The following ENO4 variants were observed in gnomAD, a reference collection of about 807,000 sequenced individuals.
The protein encoded by ENO4 is 2-phospho-D-glycerate hydro-lyase.
Under a neutral mutation model 63.2 loss-of-function variants are expected in ENO4, and 53 were observed. That is an observed-to-expected ratio of 0.84 (90% CI 0.67 to 1.05). ENO4 has a LOEUF of 1.05. Ranked by LOEUF, ENO4 falls within the 50% of genes least tolerant of loss-of-function variation. ENO4 has a pLI of 0.00. For missense variants in ENO4, 719 were observed against 772.0 expected, an observed-to-expected ratio of 0.93 and a Z score of 0.81; for synonymous variants, 266 against 283.8, an observed-to-expected ratio of 0.94 and a Z score of 0.63.
Position 116,865,564 on chromosome 10 carries a change from T to G in ENO4, c.990+2712T>G, listed in dbSNP as rs536868876. On this transcript the variant is annotated intron_variant, in intron 7 of 13. Coordinates refer to ENST00000341276, the MANE Select transcript of ENO4 (RefSeq NM_001242699.2). ...TTGTATGATATGGAGTCATACCGAT[T>G]TTTAAAATTTTTTGATGAAGTGAAA... 2.0e-5 allele frequency among the ~76,000 whole-genome samples: 3 copies of G among 152,320 alleles called. No individual in the cohort carries two copies. The South Asian group carries it at 6.2e-4, about 32-fold the overall frequency.
At chr10:116,899,210 AAT>A (rs1319512058) in intron 10 of ENO4, among the ~76,000 whole-genome samples, 2 of 152,208 alleles carry the variant, frequency 1.3e-5, no homozygotes, top group African/African-American at 4.8e-5. Flanking sequence ...TAAAACAATA[AAT>A]ATAATAAATA....
intron 6 of ENO4, among the ~76,000 whole-genome samples, chr10:116,862,098 C>G (rs1187285409): frequency 6.6e-6 from 1 of 152,086 alleles, no homozygotes; most frequent in South Asian, 2.1e-4. Context: ...TTTTAAGGGA[C>G]AGTAGATTTA....
chr10:116,884,483 C>G, downstream of ENO4: 1 of 335,872 alleles, frequency 3.0e-6, no homozygotes, highest in Non-Finnish European at 6.0e-6. Context: ...ACACATTTCA[C>G]CCAAAGGGCA....
intron 10 of ENO4, among the ~76,000 whole-genome samples, chr10:116,893,806 A>C (rs1847423227): frequency 6.6e-6 from 1 of 152,194 alleles, no homozygotes; most frequent in African/African-American, 2.4e-5. Context: ...TGAGAGAATA[A>C]TTTTATGCCA....
In ENO4 at chr10:116,859,126, G is replaced by A. The variant is rs1846345129; in HGVS notation, c.622G>A (p.Gly208Arg). The A allele has an allele frequency of 1.4e-5, 22 of 1,529,918 alleles. No homozygotes were observed. The highest frequency in any genetic ancestry group is 1.8e-5 in the Non-Finnish European group (21 of 1,144,500). The allele number at this position is 1,529,918 out of a possible 1,614,324, so 94.8% of individuals were successfully genotyped here. A position where few individuals can be genotyped will look rare whatever the true frequency, so the allele number is the denominator to read the frequency against. ...CCCTCCACCTCCTACCAAAAAAAAG[G>A]GGCAAAAGCCAGGTTGGTTGGTGAC... ...PPPPPPTKKK[G>R]QKPGRKDTIT... The change falls in exon 4 of 14, where the codon GGG becomes AGG. Residue 208 changes from glycine (G) to arginine (R), a missense_variant. Physicochemically the swap from Gly to Arg is moderately radical, Grantham distance 125. Coordinates refer to ENST00000341276, the MANE Select transcript of ENO4 (RefSeq NM_001242699.2).
In ENO4 at chr10:116,867,450, A is replaced by G. The variant is rs946449488; in HGVS notation, c.991-1200A>G. Among the ~76,000 whole-genome samples, 5 of 148,804 alleles carry G rather than the reference A, an allele frequency of 3.4e-5. No individual in the cohort carries two copies. In the South Asian group the frequency reaches 6.4e-4, roughly 19 times the overall value. ...AAAAAAAAAAAAAAATTAGCCAGGC[A>G]TGGCGGTGCACGCTTGTTGTCCCAG... On this transcript the variant is annotated intron_variant, in intron 7 of 13. Coordinates refer to ENST00000341276, the MANE Select transcript of ENO4 (RefSeq NM_001242699.2).
intron 11 of ENO4, among the ~76,000 whole-genome samples, chr10:116,878,740 A>ATT (rs1554903491): frequency 4.7e-5 from 3 of 63,546 alleles, no homozygotes; most frequent in Admixed American, 2.7e-4. Context: ...CAAATCATAT[A>ATT]TCTTTTTTTT....
intron 8 of ENO4, among the ~76,000 whole-genome samples, chr10:116,869,749 A>G (rs1846639020): frequency 6.8e-6 from 1 of 147,118 alleles, no homozygotes; most frequent in Non-Finnish European, 1.5e-5. Flanking sequence ...CCTTCCCTGT[A>G]ATAAGCTTTA....
intron 7 of ENO4, 152 bp downstream of exon 7, chr10:116,863,004 T>C (rs889173361): frequency 1.6e-6 from 1 of 631,922 alleles, no homozygotes. Flanking sequence ...AGTGTATCCA[T>C]GTCCTCAGTG....
chr10:116,890,391 A>T (rs1847302724), intron 10 of ENO4, among the ~76,000 whole-genome samples: 1 of 152,208 alleles, frequency 6.6e-6, no homozygotes. Flanking sequence ...CAGTTGTCAG[A>T]TGAAGTGTCC....
At chr10:116,854,682 C>A (rs1589748109) in intron 1 of ENO4, among the ~76,000 whole-genome samples, 1 of 150,778 alleles carries the variant, frequency 6.6e-6, no homozygotes, top group Non-Finnish European at 1.5e-5. Context: ...GTGGCTGACA[C>A]CTGTAATCCC....
In ENO4 at chr10:116,872,364, G is replaced by C. The variant is rs533550651; in HGVS notation, c.1215+1072G>C. Among the ~76,000 whole-genome samples the C allele has an allele frequency of 7.9e-4, 120 of 152,192 alleles. 3 individuals are homozygous for C. The South Asian group carries it at 0.024, about 30-fold the overall frequency. ...TGTGTCCCCACCCAATTCGCATCTT[G>C]AATTGTAGCTCCCATGATTCCCATG... On this transcript the variant is annotated intron_variant, in intron 9 of 13. Coordinates refer to ENST00000341276, the MANE Select transcript of ENO4 (RefSeq NM_001242699.2).
intron 10 of ENO4, among the ~76,000 whole-genome samples, chr10:116,908,921 T>A (rs74159004): frequency 0.059 from 9,029 of 152,188 alleles, 859 homozygotes; most frequent in African/African-American, 0.2. Context: ...AGCTAACATA[T>A]GAGTAAACTT....
downstream of ENO4, chr10:116,883,560 A>G (rs1589769997): frequency 2.0e-5 from 3 of 152,264 alleles, no homozygotes; most frequent in African/African-American, 7.2e-5. Flanking sequence ...ATGCATTTAG[A>G]AAAATAATCC....
At chr10:116,906,877 A>G (rs1589795139) in intron 10 of ENO4, 1 of 729,568 alleles carries the variant, frequency 1.4e-6, no homozygotes, top group South Asian at 2.7e-5. Flanking sequence ...AATTTGCTAT[A>G]TATTAATATT....
In ENO4 at chr10:116,876,165, G is replaced by C. The variant is rs774142706; in HGVS notation, c.1442G>C (p.Gly481Ala). ...SKSISKLLEQ[G>A]NISIPKSNGL... ...AGCATTTCTAAACTTCTAGAGCAAG[G>C]AAACATCAGCATCCCCAAATCCAAT... Residue 481 changes from glycine to alanine, a missense_variant, in exon 11 of 14, where the codon GGA (glycine) becomes GCA (alanine). Gly to Ala is a moderately conservative substitution (Grantham distance 60, BLOSUM62 0). Coordinates refer to ENST00000341276, the MANE Select transcript of ENO4 (RefSeq NM_001242699.2). 3 of 1,550,658 alleles carry C rather than the reference G, an allele frequency of 1.9e-6. No individual in the cohort carries two copies. Among genetic ancestry groups the C allele is most frequent in the Non-Finnish European group, 2.6e-6 (3 of 1,147,004 alleles).
intron 10 of ENO4, chr10:116,906,791 T>C (rs1330283154): frequency 1.4e-6 from 2 of 1,476,506 alleles, no homozygotes; most frequent in Admixed American, 2.1e-5. Context: ...AATGTCTTAA[T>C]ACAATATACA....
In ENO4 at chr10:116,881,761, T is replaced by C. The variant is rs1449774488; in HGVS notation, c.*92T>C. ...CGCCGTGTCTCCACATGGAGTTTCCTCTTCAACTTCACCAACTCTTGTGGT... is the reference window on the plus strand; with the variant it reads ...CGCCGTGTCTCCACATGGAGTTTCCCCTTCAACTTCACCAACTCTTGTGGT... On this transcript the variant is annotated 3_prime_UTR_variant, in exon 14 of 14. Transcript: ENST00000341276. 2 of 953,372 alleles carry C rather than the reference T, an allele frequency of 2.1e-6. No homozygotes were observed. The highest frequency in any genetic ancestry group is 3.9e-5 in the South Asian group (1 of 25,814). 59.1% of individuals were successfully genotyped at this position (953,372 alleles called of 1,614,324 possible).
chr10:116,908,019 G>A (rs1041651853), intron 10 of ENO4: 1 of 455,778 alleles, frequency 2.2e-6, no homozygotes, highest in Non-Finnish European at 4.4e-6. Context: ...AAAAAAAGGT[G>A]CTTGTAAAAT....
Sources: allele counts gnomAD v4.1 joint callset (sites outside exome capture counted in the v4.1 genomes callset), GRCh38; gene constraint gnomAD v4.1.1; transcripts MANE v1.5; gene names NCBI Gene and HGNC (gene_info 2026-07-23, HGNC 2026-07-21).